ATP9A: variants seen among roughly 807,000 people sequenced by gnomAD.
The protein encoded by ATP9A is ATPase phospholipid transporting 9A, also known as probable phospholipid-transporting ATPase IIA.
Under a neutral mutation model 144.1 loss-of-function variants are expected in ATP9A, and 52 were observed. The ratio of observed to expected loss-of-function variants is 0.36; its 90% confidence interval spans 0.29 to 0.45. ATP9A has a LOEUF of 0.45. Ranked by LOEUF, ATP9A falls within the 20% of genes least tolerant of loss-of-function variation. ATP9A has a pLI of 1.00. For missense variants in ATP9A, 947 were observed against 1,392.7 expected (o/e 0.68, Z 5.09); for synonymous variants, 582 against 557.4 (o/e 1.04, Z -0.62).
chr20:51,644,357 C>G (rs1262048270), intron 14 of ATP9A, among the ~76,000 whole-genome samples: 1 of 141,706 alleles, frequency 7.1e-6, no homozygotes, highest in African/African-American at 2.6e-5. Flanking sequence ...ACTGCAAACT[C>G]CACCTCCTGG....
chr20:51,618,516 G>T, intron 21 of ATP9A, 146 bp downstream of exon 21: 1 of 1,186,738 alleles, frequency 8.4e-7, no homozygotes, highest in Non-Finnish European at 1.2e-6. Context: ...AAGAGCCAAA[G>T]TCTGAGAGGT....
At chr20:51,705,659 G>C (rs187885784) in intron 4 of ATP9A, among the ~76,000 whole-genome samples, 155 of 152,192 alleles carry the variant, frequency 1.0e-3, no homozygotes, top group Admixed American at 4.3e-3. Flanking sequence ...AGCATTCCTG[G>C]TATGAACACC....
At chr20:51,726,582 T>G (rs1397111578) in intron 2 of ATP9A, among the ~76,000 whole-genome samples, 1 of 152,030 alleles carries the variant, frequency 6.6e-6, no homozygotes. Flanking sequence ...GTTTTGGGGT[T>G]TGGTTTTGTT....
intron 15 of ATP9A, among the ~76,000 whole-genome samples, chr20:51,629,968 C>G (rs1377382430): frequency 1.3e-5 from 2 of 152,254 alleles, no homozygotes; most frequent in African/African-American, 4.8e-5. Flanking sequence ...CCATACTGTA[C>G]GTAGAGAACA....
chr20:51,670,439 C>T (rs934862546), intron 12 of ATP9A, among the ~76,000 whole-genome samples: 7 of 152,182 alleles, frequency 4.6e-5, no homozygotes, highest in African/African-American at 1.4e-4. Context: ...GATTCTATCT[C>T]GAAGGATTCT....
At chr20:51,671,474 T>C (rs530546516) in intron 11 of ATP9A, among the ~76,000 whole-genome samples, 1 of 152,314 alleles carries the variant, frequency 6.6e-6, no homozygotes, top group East Asian at 1.9e-4. Flanking sequence ...GCTCATGTTA[T>C]GGACTGAAGT....
intron 3 of ATP9A, among the ~76,000 whole-genome samples, chr20:51,716,171 A>G (rs558347128): frequency 2.0e-5 from 3 of 152,158 alleles, no homozygotes; most frequent in Non-Finnish European, 2.9e-5. Context: ...TGTGTATTTT[A>G]TGGTATATAG....
intron 10 of ATP9A, among the ~76,000 whole-genome samples, chr20:51,675,193 A>C (rs1242045747): frequency 6.6e-6 from 1 of 152,198 alleles, no homozygotes; most frequent in African/African-American, 2.4e-5. Flanking sequence ...CCATAACTTC[A>C]TAGAAACATG....
intron 4 of ATP9A, among the ~76,000 whole-genome samples, chr20:51,704,281 T>C (rs1053242710): frequency 3.3e-5 from 5 of 151,440 alleles, no homozygotes; most frequent in African/African-American, 1.2e-4. Context: ...CGGTTTATGG[T>C]GCCCAGAAAT....
chr20:51,738,727 A>G (rs1415918965), intron 1 of ATP9A, among the ~76,000 whole-genome samples: 1 of 151,286 alleles, frequency 6.6e-6, no homozygotes, highest in African/African-American at 2.4e-5. Context: ...TAAATAAATA[A>G]AAAACAAAGT....
chr20:51,640,282 C>T (rs898014728), intron 14 of ATP9A, among the ~76,000 whole-genome samples: 3 of 152,210 alleles, frequency 2.0e-5, no homozygotes, highest in Non-Finnish European at 4.4e-5. Context: ...TGGTTCTCAA[C>T]TGGGTGATTC....
chr20:51,610,734 T>C (rs1406484074), intron 23 of ATP9A, among the ~76,000 whole-genome samples: 1 of 152,044 alleles, frequency 6.6e-6, no homozygotes, highest in Non-Finnish European at 1.5e-5. Flanking sequence ...CAAAGTGCCG[T>C]AGGTATGGAA....
At chr20:51,651,781 T>G (rs757993743) in intron 14 of ATP9A, among the ~76,000 whole-genome samples, 13 of 151,820 alleles carry the variant, frequency 8.6e-5, no homozygotes, top group Non-Finnish European at 1.6e-4. Context: ...ATATAAAAAT[T>G]AACCAGGCAT....
chr20:51,623,778 ACT>A (rs1485448376), intron 18 of ATP9A, among the ~76,000 whole-genome samples: 1 of 134,122 alleles, frequency 7.5e-6, no homozygotes, highest in Non-Finnish European at 1.6e-5. Flanking sequence ...ACAGAGTGAA[ACT>A]CTGTCTCAAA....
At chr20:51,607,666 C>A (rs954538668) in intron 25 of ATP9A, 82 bp from the exon 26 acceptor site, 1 of 1,139,550 alleles carries the variant, frequency 8.8e-7, no homozygotes, top group Non-Finnish European at 1.3e-6. Context: ...GTTATTCTCC[C>A]GCTAACGAGA....
intron 10 of ATP9A, among the ~76,000 whole-genome samples, chr20:51,675,194 T>C (rs939354026): frequency 2.0e-5 from 3 of 152,174 alleles, no homozygotes; most frequent in Admixed American, 1.3e-4. Flanking sequence ...CATAACTTCA[T>C]AGAAACATGC....
At chr20:51,750,678 T>C (rs1046167398) in intron 1 of ATP9A, among the ~76,000 whole-genome samples, 13 of 152,188 alleles carry the variant, frequency 8.5e-5, no homozygotes, top group Non-Finnish European at 1.2e-4. Flanking sequence ...ATGAGGACAC[T>C]GCACCTCAGA....
chr20:51,700,687 A>G (rs1249943731), intron 4 of ATP9A, among the ~76,000 whole-genome samples: 1 of 152,134 alleles, frequency 6.6e-6, no homozygotes, highest in African/African-American at 2.4e-5. Flanking sequence ...CAAATTAGCC[A>G]GATGTGGTGG....
At chr20:51,653,823 T>C (rs547748254) in intron 14 of ATP9A, among the ~76,000 whole-genome samples, 2 of 151,542 alleles carry the variant, frequency 1.3e-5, no homozygotes, top group East Asian at 1.9e-4. Context: ...CCCAGCACTA[T>C]GGGAGGCTGA....
Sources: allele counts gnomAD v4.1 joint callset (sites outside exome capture counted in the v4.1 genomes callset), GRCh38; gene constraint gnomAD v4.1.1; transcripts MANE v1.5; gene names NCBI Gene and HGNC (gene_info 2026-07-23, HGNC 2026-07-21).